UVRAG: variants seen among roughly 807,000 people sequenced by gnomAD.
UVRAG encodes the protein UV radiation resistance-associated gene protein.
UVRAG carries 19 observed loss-of-function variants against 78.0 expected under a neutral mutation model. That is an observed-to-expected ratio of 0.24 (90% CI 0.17 to 0.36). The LOEUF (loss-of-function observed/expected upper bound fraction) is 0.36. Ranked by LOEUF, UVRAG falls within the 10% of genes least tolerant of loss-of-function variation. UVRAG has a pLI of 1.00. For synonymous variants in UVRAG, 323 were observed against 324.6 expected (o/e 1.00, Z 0.05); for missense variants, 740 against 853.8 (o/e 0.87, Z 1.66).
intron 11 of UVRAG, 88 bp from the exon 12 acceptor site, chr11:76,016,727 T>C (rs998107183): frequency 1.4e-5 from 16 of 1,173,282 alleles, no homozygotes; most frequent in Non-Finnish European, 1.8e-5. Context: ...CATATTTTTA[T>C]AAAATATTCT....
chr11:75,895,307 A>G lies in UVRAG; in HGVS notation c.507+6404A>G, dbSNP rs185709030. ...TTATCTTAATATGTCTTCAGGCACT[A>G]TGGATCTAAAAGCTGAAATTACTTA... On this transcript the variant is annotated intron_variant, in intron 5 of 14. Transcript: ENST00000356136. Among the ~76,000 whole-genome samples, 337 of 152,292 alleles carry G rather than the reference A, an allele frequency of 2.2e-3. 1 individual carries two copies. Among genetic ancestry groups the G allele is most frequent in the African/African-American group, 7.7e-3 (318 of 41,562 alleles).
At position 76,013,610 on chromosome 11, in the gene UVRAG, A is replaced by G. The variant is rs547216629; in HGVS notation, c.1061-3205A>G. On this transcript the variant is annotated intron_variant, in intron 11 of 14. Transcript: ENST00000356136. ...GTAAAAAAATCTTTCAGATCTTGCA[A>G]TGCTGGAAACCTTAAACCTTTTGGT... 3.0e-4 allele frequency among the ~76,000 whole-genome samples: 46 copies of G among 152,330 alleles called. No homozygotes were observed. In the East Asian group the frequency reaches 7.5e-3, roughly 25 times the overall value.
chr11:75,966,603 A>C lies in UVRAG; in HGVS notation c.699+5054A>C, dbSNP rs144022805. Among the ~76,000 whole-genome samples the C allele has an allele frequency of 9.2e-5, 14 of 152,254 alleles. No individual in the cohort carries two copies. In the East Asian group the frequency reaches 2.7e-3, roughly 29 times the overall value. On this transcript the variant is annotated intron_variant, in intron 7 of 14. Coordinates refer to ENST00000356136, the MANE Select transcript of UVRAG (RefSeq NM_003369.4). ...ATCTGGATCATCTTGGGGTTGGCAT[A>C]TGTTGGTTTTCTCCTCCCTAGAGAG... is the stretch of plus-strand genomic sequence containing the variant.
At chr11:76,038,181 T>C (rs972782506) in intron 12 of UVRAG, among the ~76,000 whole-genome samples, 1 of 152,108 alleles carries the variant, frequency 6.6e-6, no homozygotes, top group African/African-American at 2.4e-5. Flanking sequence ...AAGACCAAGC[T>C]ATGCTGGAGT....
At chr11:75,880,417 C>G (rs977532574) in intron 4 of UVRAG, among the ~76,000 whole-genome samples, 2 of 152,154 alleles carry the variant, frequency 1.3e-5, no homozygotes, top group Non-Finnish European at 2.9e-5. Context: ...AAATACCTCT[C>G]TTTTGACCAG....
At chr11:76,077,125 ATAT>A (rs1951417969) in intron 13 of UVRAG, among the ~76,000 whole-genome samples, 1 of 148,608 alleles carries the variant, frequency 6.7e-6, no homozygotes, top group Admixed American at 6.7e-5. Flanking sequence ...TGTTTAATGT[ATAT>A]TATATATTGT....
chr11:75,977,931 T>A (rs1475836559), intron 7 of UVRAG, among the ~76,000 whole-genome samples: 1 of 152,208 alleles, frequency 6.6e-6, no homozygotes, highest in Non-Finnish European at 1.5e-5. Flanking sequence ...GCTGATTATT[T>A]TGCTCGTTAG....
intron 2 of UVRAG, among the ~76,000 whole-genome samples, chr11:75,857,973 T>G (rs1204101707): frequency 6.6e-6 from 1 of 152,144 alleles, no homozygotes; most frequent in Admixed American, 6.5e-5. Flanking sequence ...TATGTTTAAT[T>G]ATTTGATTAT....
chr11:76,107,998 C>T (rs1156571493), intron 13 of UVRAG, among the ~76,000 whole-genome samples: 1 of 152,130 alleles, frequency 6.6e-6, no homozygotes, highest in East Asian at 1.9e-4. Context: ...TAGTCAAATT[C>T]ATTGTAATCC....
intron 12 of UVRAG, among the ~76,000 whole-genome samples, chr11:76,043,268 G>A (rs541800983): frequency 1.3e-5 from 2 of 150,046 alleles, no homozygotes; most frequent in African/African-American, 5.1e-5. Context: ...TATCAGATGA[G>A]TTGTTGCTCA....
intron 7 of UVRAG, among the ~76,000 whole-genome samples, chr11:75,981,521 G>A (rs1412455493): frequency 6.6e-6 from 1 of 151,854 alleles, no homozygotes; most frequent in Non-Finnish European, 1.5e-5. Flanking sequence ...CATCATCATA[G>A]CTTACCGCAG....
intron 6 of UVRAG, among the ~76,000 whole-genome samples, chr11:75,943,443 G>T (rs1397169181): frequency 1.3e-5 from 2 of 151,778 alleles, no homozygotes; most frequent in Non-Finnish European, 2.9e-5. Context: ...TTCCTCAAGT[G>T]TGTTTATTGT....
At chr11:76,045,320 C>T (rs1591171623) in intron 12 of UVRAG, among the ~76,000 whole-genome samples, 2 of 152,336 alleles carry the variant, frequency 1.3e-5, no homozygotes, top group Admixed American at 1.3e-4. Flanking sequence ...CTGCTAATAA[C>T]CCCAGAGTGA....
rs187058315 is a variant in UVRAG at position 76,016,965 on chromosome 11, C to T, written c.1211C>T (p.Thr404Met). Residue 404 changes from threonine to methionine, a missense_variant, in exon 12 of 15, where the codon ACG (threonine) becomes ATG (methionine). Transcript: ENST00000356136. ...TIKDNINDKL[T>M]EKEREFPLYP... ...AAAGACAATATCAATGACAAACTGA[C>T]GGAAAAGGAGAGAGAGTAAGTGTCT... 105 of 1,598,636 alleles carry T rather than the reference C, an allele frequency of 6.6e-5. No individual in the cohort carries two copies. Among genetic ancestry groups the T allele is most frequent in the East Asian group, 6.1e-4 (27 of 44,502 alleles).
chr11:75,958,753 G>A (rs181999574), intron 6 of UVRAG, among the ~76,000 whole-genome samples: 152 of 152,232 alleles, frequency 1.0e-3, no homozygotes, highest in African/African-American at 3.4e-3. Flanking sequence ...CATTGATTTT[G>A]CCCAGATCCA....
chr11:75,990,464 T>C (rs1227360488), intron 8 of UVRAG, among the ~76,000 whole-genome samples: 1 of 152,198 alleles, frequency 6.6e-6, no homozygotes, highest in African/African-American at 2.4e-5. Flanking sequence ...CTCATAAAAA[T>C]AGGAGCAAAA....
Position 75,815,476 on chromosome 11 carries a change from T to G in UVRAG, c.69T>G (p.Pro23=), listed in dbSNP as rs1945239502. The G allele has an allele frequency of 2.2e-5, 28 of 1,244,942 alleles. No individual in the cohort carries two copies. The highest frequency in any genetic ancestry group is 2.5e-5 in the Non-Finnish European group (25 of 994,348). 77.1% of individuals were successfully genotyped at this position (1,244,942 alleles called of 1,614,324 possible). Reference sequence around the variant, plus strand: ...CCCCGGGCCCGGCCGCTGCTCTGCCTCCCGGTTCTGCCGCGCGGGCCCTGC... The same window carrying G: ...CCCCGGGCCCGGCCGCTGCTCTGCCGCCCGGTTCTGCCGCGCGGGCCCTGC... ...QPPPGPAAAL[P]PGSAARALHV... is the part of the protein sequence containing the mutation. Residue 23 remains proline (P), a synonymous_variant, in exon 1 of 15, where the codon CCT becomes CCG. Coordinates refer to ENST00000356136, the MANE Select transcript of UVRAG (RefSeq NM_003369.4).
At chr11:75,829,240 T>C (rs2135818289) in intron 1 of UVRAG, among the ~76,000 whole-genome samples, 1 of 152,336 alleles carries the variant, frequency 6.6e-6, no homozygotes, top group South Asian at 2.1e-4. Context: ...TGTACCCAGC[T>C]AAATTGCAGA....
rs71471398 is a variant in UVRAG, at chr11:75,995,501, G to GAAAA, written c.827-8492_827-8489dup. Among the ~76,000 whole-genome samples, 404 of 120,058 alleles carry GAAAA rather than the reference G, an allele frequency of 3.4e-3. 6 individuals are homozygous for GAAAA. The highest frequency in any genetic ancestry group is 0.011 in the African/African-American group (384 of 35,308). The allele number at this position is 120,058 out of a possible 152,430, so 78.8% of individuals were successfully genotyped here. On this transcript the variant is annotated intron_variant, in intron 8 of 14. Transcript: ENST00000356136. Reference sequence around the variant, plus strand: ...TGTAATAGTTTCTTATTGTCATTTTGAAAAAAAAAAAAAAAGAGTAATTAA... The same window carrying GAAAA: ...TGTAATAGTTTCTTATTGTCATTTTGAAAAAAAAAAAAAAAAAAAGAGTAATTAA...
Sources: allele counts gnomAD v4.1 joint callset (sites outside exome capture counted in the v4.1 genomes callset), GRCh38; gene constraint gnomAD v4.1.1; transcripts MANE v1.5; gene names NCBI Gene and HGNC (gene_info 2026-07-23, HGNC 2026-07-21).